SPPL2A: variants seen among roughly 807,000 people sequenced by gnomAD.
SPPL2A encodes signal peptide peptidase like 2A.
In SPPL2A, 51 loss-of-function variants were observed where a neutral mutation model predicts 63.8. That is an observed-to-expected ratio of 0.80 (90% CI 0.64 to 1.01). The LOEUF (loss-of-function observed/expected upper bound fraction) is 1.01. Ranked by LOEUF, SPPL2A falls within the 50% of genes least tolerant of loss-of-function variation. The pLI is 0.00. For synonymous variants in SPPL2A, 188 were observed against 205.8 expected (o/e 0.91, Z 0.74); for missense variants, 553 against 622.7 (o/e 0.89, Z 1.19).
At chr15:50,759,821 C>A (rs1252864046) in intron 1 of SPPL2A, among the ~76,000 whole-genome samples, 4 of 151,764 alleles carry the variant, frequency 2.6e-5, no homozygotes, top group African/African-American at 9.7e-5. Flanking sequence ...TGGTTCTAGT[C>A]CTATTTTTCA....
chr15:50,747,906 G>A, intron 4 of SPPL2A: 1 of 461,380 alleles, frequency 2.2e-6, no homozygotes, highest in Non-Finnish European at 3.8e-6. Flanking sequence ...TTAAAGAACT[G>A]AAAACAAACA....
chr15:50,708,465 T>C (rs113375306), intron 14 of SPPL2A, among the ~76,000 whole-genome samples: 22,774 of 152,096 alleles, frequency 0.15, 2,202 homozygotes, highest in Admixed American at 0.28. Context: ...CCCAGCACCT[T>C]GGGAGGCTGA....
intron 6 of SPPL2A, among the ~76,000 whole-genome samples, 174 bp from the exon 7 acceptor site, chr15:50,736,914 G>T (rs12903561): frequency 0.25 from 36,808 of 149,252 alleles, 5,414 homozygotes; most frequent in East Asian, 0.54. Flanking sequence ...GAGGTTTTTT[G>T]TTTTTTTTTC....
intron 1 of SPPL2A, among the ~76,000 whole-genome samples, chr15:50,752,716 TG>T (rs2062920136): frequency 6.7e-6 from 1 of 148,604 alleles, no homozygotes; most frequent in African/African-American, 2.5e-5. Flanking sequence ...AGACTCCATC[TG>T]AAAAAAAAAA....
intron 1 of SPPL2A, among the ~76,000 whole-genome samples, chr15:50,757,980 T>A: frequency 7.6e-6 from 1 of 130,720 alleles, no homozygotes; most frequent in Admixed American, 8.0e-5. Flanking sequence ...TGAGACTCCG[T>A]CTCAATTATA....
chr15:50,714,713 A>G (rs12906219), intron 14 of SPPL2A, among the ~76,000 whole-genome samples: 19,598 of 151,748 alleles, frequency 0.13, 1,257 homozygotes, highest in South Asian at 0.2. Context: ...AGGCCAAGGC[A>G]GGTGGGTTCA....
At chr15:50,729,997 A>T (rs1050585874) in intron 10 of SPPL2A, among the ~76,000 whole-genome samples, 1 of 77,112 alleles carries the variant, frequency 1.3e-5, no homozygotes, top group Non-Finnish European at 3.4e-5. Context: ...TCGGCCTTTT[A>T]AAAAAAAAGA....
Position 50,739,777 on chromosome 15 carries a change from C to T in SPPL2A, c.636G>A (p.Lys212=), listed in dbSNP as rs758861711. 9.3e-6 allele frequency: 15 copies of T among 1,604,898 alleles called. No homozygotes were observed. Among genetic ancestry groups the T allele is most frequent in the Non-Finnish European group, 1.3e-5 (15 of 1,176,594 alleles). The change falls in exon 6 of 15, where the codon AAG becomes AAA. Residue 212 remains lysine (K), a synonymous_variant. Transcript: ENST00000261854. ...TTEDREMRKK[K]EEYLTFSPLT... is the part of the protein sequence containing the mutation. The stretch of plus-strand genomic sequence containing the variant: ...GAGGACTAAAAGTTAAATATTCTTC[C>T]TTCTTTTTCCTCATTTCTCTATCTT...
At chr15:50,765,155 T>G (rs992792965) in intron 1 of SPPL2A, among the ~76,000 whole-genome samples, 1 of 151,908 alleles carries the variant, frequency 6.6e-6, no homozygotes, top group African/African-American at 2.4e-5. Context: ...AGTGAGCAAC[T>G]ATCGAGAAGC....
intron 1 of SPPL2A, among the ~76,000 whole-genome samples, chr15:50,750,292 C>T (rs1435870125): frequency 6.6e-6 from 1 of 152,048 alleles, no homozygotes; most frequent in African/African-American, 2.4e-5. Context: ...TTGGTAGAGA[C>T]AGGGTTTCAC....
chr15:50,718,614 G>A (rs181769836), intron 14 of SPPL2A, among the ~76,000 whole-genome samples: 18 of 152,232 alleles, frequency 1.2e-4, no homozygotes, highest in Admixed American at 2.0e-4. Flanking sequence ...AGTATAAGTT[G>A]AGACAACAGC....
chr15:50,722,256 C>T, intron 12 of SPPL2A, 55 bp from the exon 13 acceptor site: 3 of 932,552 alleles, frequency 3.2e-6, no homozygotes, highest in Non-Finnish European at 5.2e-6. Flanking sequence ...AATGCAAATT[C>T]AATTGTTAAC....
At chr15:50,763,789 T>A (rs1199275903) in intron 1 of SPPL2A, among the ~76,000 whole-genome samples, 1 of 152,050 alleles carries the variant, frequency 6.6e-6, no homozygotes, top group African/African-American at 2.4e-5. Flanking sequence ...TCCCAGCTAC[T>A]CGGGAGGCTG....
chr15:50,762,213 C>T (rs1325842954), intron 1 of SPPL2A, among the ~76,000 whole-genome samples: 1 of 151,464 alleles, frequency 6.6e-6, no homozygotes, highest in Admixed American at 6.6e-5. Context: ...ACTAAAATTA[C>T]AAAAATTAGC....
At chr15:50,722,604 G>C (rs963730923) in intron 12 of SPPL2A, among the ~76,000 whole-genome samples, 4 of 151,994 alleles carry the variant, frequency 2.6e-5, no homozygotes, top group Non-Finnish European at 5.9e-5. Context: ...CTACAGGCGC[G>C]TGCCACCACA....
intron 1 of SPPL2A, among the ~76,000 whole-genome samples, chr15:50,750,009 C>T (rs1282503075): frequency 1.3e-5 from 2 of 152,248 alleles, no homozygotes; most frequent in African/African-American, 4.8e-5. Context: ...TTATAAGGGC[C>T]GTACCCCAGG....
rs2062802440 is a variant in SPPL2A, at chr15:50,739,678, A to G, written c.733+2T>C. On this transcript the variant is annotated splice_donor_variant, in intron 6 of 14. Transcript: ENST00000261854. LOFTEE classifies it high-confidence loss of function. ...TAGCAAACATAAAATATGACTTCTT[A>G]CCCAACCATTTGTAGAAGAAATAAA... 1 of 1,554,884 alleles carries G rather than the reference A, an allele frequency of 6.4e-7. No individual in the cohort carries two copies. Among genetic ancestry groups the G allele is most frequent in the Non-Finnish European group, 8.7e-7 (1 of 1,153,518 alleles).
intron 1 of SPPL2A, among the ~76,000 whole-genome samples, chr15:50,759,782 T>C (rs1351247346): frequency 6.6e-6 from 1 of 152,024 alleles, no homozygotes; most frequent in African/African-American, 2.4e-5. Context: ...TATTACTGCC[T>C]AATTTAGTGG....
intron 5 of SPPL2A, among the ~76,000 whole-genome samples, chr15:50,743,789 C>A (rs1030584937): frequency 6.6e-6 from 1 of 152,146 alleles, no homozygotes; most frequent in African/African-American, 2.4e-5. Flanking sequence ...TTCAATAAAT[C>A]AGCAGCTTTT....
Sources: gnomAD v4.1 joint callset for allele counts (sites outside exome capture counted in the v4.1 genomes callset) on GRCh38, gnomAD v4.1.1 for gene constraint, MANE v1.5 for transcripts, NCBI Gene and HGNC (gene_info 2026-07-23, HGNC 2026-07-21) for gene names.